Variants in TRAK1 observed in about 807,000 individuals in gnomAD.
TRAK1 encodes the protein trafficking kinesin-binding protein 1.
In TRAK1, 33 loss-of-function variants were observed where a neutral mutation model predicts 92.1. That is an observed-to-expected ratio of 0.36 (90% CI 0.27 to 0.48). The LOEUF is 0.48. TRAK1 is among the 20% of genes least tolerant of loss of function. TRAK1 has a pLI of 0.99. For missense variants in TRAK1, 1,123 were observed against 1,257.9 expected (o/e 0.89, Z 1.62); for synonymous variants, 521 against 517.3 (o/e 1.01, Z -0.10).
intron 1 of TRAK1, among the ~76,000 whole-genome samples, chr3:42,036,904 C>G (rs1444776425): frequency 6.6e-6 from 1 of 152,066 alleles, no homozygotes; most frequent in Non-Finnish European, 1.5e-5. Flanking sequence ...TGCATGCCAC[C>G]ACACCTGGCT....
At chr3:42,036,895 G>T (rs1702348266) in intron 1 of TRAK1, among the ~76,000 whole-genome samples, 2 of 152,122 alleles carry the variant, frequency 1.3e-5, no homozygotes, top group Non-Finnish European at 2.9e-5. Context: ...GATTACAGGT[G>T]CATGCCACCA....
Position 42,170,908 on chromosome 3 carries a change from C to G in TRAK1, c.287-5906C>G, listed in dbSNP as rs1470249243. ...GCATGATCTCGGCTTACTGCAAGCT[C>G]CGCCTCCTGGGTTCACACCATTCTC... On this transcript the variant is annotated intron_variant, in intron 2 of 15. Coordinates refer to ENST00000327628, the MANE Select transcript of TRAK1 (RefSeq NM_001042646.3). Among the ~76,000 whole-genome samples, 6 of 151,482 alleles carry G rather than the reference C, an allele frequency of 4.0e-5. 1 individual carries two copies. Among genetic ancestry groups the G allele is most frequent in the African/African-American group, 1.5e-4 (6 of 41,196 alleles).
chr3:42,189,638 C>T (rs945403275), intron 6 of TRAK1, among the ~76,000 whole-genome samples: 6 of 152,052 alleles, frequency 3.9e-5, no homozygotes, highest in African/African-American at 1.4e-4. Flanking sequence ...TCAAGCTATT[C>T]TCCTGTCTTA....
chr3:42,118,676 C>T (rs1709471834), intron 1 of TRAK1, among the ~76,000 whole-genome samples: 1 of 152,222 alleles, frequency 6.6e-6, no homozygotes, highest in Non-Finnish European at 1.5e-5. Flanking sequence ...TTTCTTCACT[C>T]CCTGGTGGCC....
At chr3:42,134,650 G>A (rs1162532491) in intron 2 of TRAK1, among the ~76,000 whole-genome samples, 2 of 140,070 alleles carry the variant, frequency 1.4e-5, no homozygotes, top group Non-Finnish European at 3.0e-5. Context: ...GCAGTGGTGC[G>A]ATCTCAGCTC....
intron 2 of TRAK1, among the ~76,000 whole-genome samples, chr3:42,136,645 A>ATAAATAAATAAATAAATAAAT (rs3073703): frequency 1.5e-5 from 2 of 136,394 alleles, no homozygotes; most frequent in African/African-American, 5.5e-5. Context: ...AAATAAATAA[A>ATAAATAAATAAATAAATAAAT]AAATAAATAA....
chr3:42,213,173 T>C (rs1709285520), intron 14 of TRAK1, among the ~76,000 whole-genome samples: 1 of 150,698 alleles, frequency 6.6e-6, no homozygotes, highest in Non-Finnish European at 1.5e-5. Context: ...TTTTCCTGCC[T>C]CAGCCTCCCA....
intron 4 of TRAK1, among the ~76,000 whole-genome samples, chr3:42,187,490 T>A (rs1237426043): frequency 3.3e-5 from 5 of 152,132 alleles, no homozygotes; most frequent in African/African-American, 2.4e-5. Context: ...TTTTTTGAGA[T>A]GGAGTTTTGC....
intron 2 of TRAK1, among the ~76,000 whole-genome samples, chr3:42,167,836 C>T (rs149703397): frequency 0.052 from 7,990 of 152,212 alleles, 482 homozygotes; most frequent in African/African-American, 0.14. Flanking sequence ...GCTGAGATCA[C>T]GCCACTGCAC....
intron 13 of TRAK1, among the ~76,000 whole-genome samples, chr3:42,208,547 T>C (rs1427796104): frequency 6.6e-6 from 1 of 152,196 alleles, no homozygotes; most frequent in Non-Finnish European, 1.5e-5. Context: ...TTTGACTCCC[T>C]TTTCTTCGCT....
Position 42,197,000 on chromosome 3 carries a change from T to TCACACACA in TRAK1, c.1113+2060_1113+2061insACACACAC, listed in dbSNP as rs60649090. 1.1e-3 allele frequency among the ~76,000 whole-genome samples: 144 copies of TCACACACA among 131,160 alleles called. 1 individual carries two copies. Among genetic ancestry groups the TCACACACA allele is most frequent in the Middle Eastern group, 3.8e-3 (1 of 262 alleles). 86.0% of individuals were successfully genotyped at this position (131,160 alleles called of 152,430 possible). ...CTTTCTCTTTCTCTCTCTCTCTCTCTCTCACACACACACACACACACACAC... is the reference window on the plus strand; with the variant it reads ...CTTTCTCTTTCTCTCTCTCTCTCTCTCACACACACTCACACACACACACACACACACAC... On this transcript the variant is annotated intron_variant, in intron 10 of 15. Coordinates refer to ENST00000327628, the MANE Select transcript of TRAK1 (RefSeq NM_001042646.3).
chr3:42,203,272 A>G, intron 13 of TRAK1: 2 of 1,008,806 alleles, frequency 2.0e-6, no homozygotes, highest in South Asian at 4.7e-5. Context: ...TTCATATAGC[A>G]AGGTTGTGGC....
intron 1 of TRAK1, among the ~76,000 whole-genome samples, chr3:42,093,684 C>T (rs9881455): frequency 0.097 from 1,545 of 15,852 alleles, 6 homozygotes; most frequent in South Asian, 0.18. Context: ...CCCCTCCCCT[C>T]CCCTCCCCTC....
chr3:42,199,395 T>C (rs941280281), intron 11 of TRAK1, 142 bp downstream of exon 11: 2 of 724,872 alleles, frequency 2.8e-6, no homozygotes, highest in Admixed American at 5.2e-5. Flanking sequence ...AGGGAAATAA[T>C]AGAACACAGC....
At chr3:42,185,029 ATG>A in intron 4 of TRAK1, 1 of 517,686 alleles carries the variant, frequency 1.9e-6, no homozygotes, top group Non-Finnish European at 3.5e-6. Flanking sequence ...TCCTCAGGCC[ATG>A]TGGATGGGAT....
intron 2 of TRAK1, chr3:42,151,533 G>A: frequency 3.3e-6 from 1 of 302,246 alleles, no homozygotes; most frequent in South Asian, 2.8e-5. Context: ...TTGGATGAAG[G>A]GAAGAAGGTT....
Position 42,223,127 on chromosome 3 carries a change from C to T in TRAK1, c.2252C>T (p.Ala751Val). 6.2e-7 allele frequency: 1 copy of T among 1,614,116 alleles called. No individual in the cohort carries two copies. Among genetic ancestry groups the T allele is most frequent in the Non-Finnish European group, 8.5e-7 (1 of 1,180,034 alleles). ...VWLLKERGISAAVYDPQSWDR... is the reference protein window; with the variant it reads ...VWLLKERGISVAVYDPQSWDR... ...CTGTTGAAGGAGCGGGGCATTTCTGCTGCCGTGTACGACCCCCAGAGCTGG... is the reference window on the plus strand; with the variant it reads ...CTGTTGAAGGAGCGGGGCATTTCTGTTGCCGTGTACGACCCCCAGAGCTGG... The change falls in exon 16 of 16, where the codon GCT (alanine) becomes GTT (valine). Residue 751 changes from alanine to valine, a missense_variant. Physicochemically the swap from Ala to Val is moderately conservative, Grantham distance 64 (BLOSUM62 0). Around this residue, in one of 3 missense-constraint regions of TRAK1, gnomAD observed 401 missense variants for 438.9 expected, o/e 0.91. Coordinates refer to ENST00000327628, the MANE Select transcript of TRAK1 (RefSeq NM_001042646.3). This position sits in a 1 kb window ranked among gnomAD's most constrained non-coding sequence, Gnocchi z 6.1.
intron 1 of TRAK1, among the ~76,000 whole-genome samples, chr3:42,052,628 G>A (rs986193417): frequency 6.6e-6 from 1 of 152,202 alleles, no homozygotes; most frequent in Non-Finnish European, 1.5e-5. Flanking sequence ...GGGCTACTCT[G>A]CGTCATGTGA....
At chr3:42,013,671 G>C (rs1332284510), upstream of TRAK1, 2 of 147,272 alleles carry the variant, frequency 1.4e-5, no homozygotes, top group South Asian at 1.9e-4. This position sits in a 1 kb window ranked among gnomAD's most constrained non-coding sequence, Gnocchi z 5.1. Context: ...GCGAGAGGCC[G>C]CGCGGCGGCG....
Sources: allele counts gnomAD v4.1 joint callset (sites outside exome capture counted in the v4.1 genomes callset), GRCh38; gene constraint gnomAD v4.1.1; regional missense constraint gnomAD v4.1.1; non-coding constraint Gnocchi (gnomAD v3.1); transcripts MANE v1.5; gene names NCBI Gene and HGNC (gene_info 2026-07-23, HGNC 2026-07-21).